Variants in CCDC158 observed in about 807,000 individuals in gnomAD.
The protein encoded by CCDC158 is coiled-coil domain containing 158.
A neutral mutation model predicts 138.6 loss-of-function variants in CCDC158; 116 were observed. That is an observed-to-expected ratio of 0.84 (90% CI 0.72 to 0.98). The LOEUF (loss-of-function observed/expected upper bound fraction) is 0.98, where lower values mean the gene tolerates loss of function less well. CCDC158 is among the 50% of genes least tolerant of loss of function. CCDC158 has a pLI of 0.00. For synonymous variants in CCDC158, 436 were observed against 442.4 expected (o/e 0.99, Z 0.18); for missense variants, 1,265 against 1,306.1 (o/e 0.97, Z 0.48).
chr4:76,414,653 C>T (rs1729552688), intron 1 of CCDC158, among the ~76,000 whole-genome samples: 1 of 152,292 alleles, frequency 6.6e-6, no homozygotes, highest in Non-Finnish European at 1.5e-5. Flanking sequence ...GGAGGCCGGT[C>T]TTTCCCGTGC....
At position 76,333,999 on chromosome 4, in the gene CCDC158, C is replaced by T; in HGVS notation, c.2822+11G>A. On this transcript the variant is annotated intron_variant, in intron 19 of 24. Coordinates refer to ENST00000682701, the MANE Select transcript of CCDC158 (RefSeq NM_001394954.1). ...GATGAGCTTTCCCATTCTGTGTGCA[C>T]ACAGCCTTACACAGCCACATACAAG... is the stretch of plus-strand genomic sequence containing the variant. The T allele has an allele frequency of 6.4e-7, 1 of 1,571,092 alleles. No individual in the cohort carries two copies. The highest frequency in any genetic ancestry group is 8.7e-7 in the Non-Finnish European group (1 of 1,153,264).
intron 9 of CCDC158, among the ~76,000 whole-genome samples, chr4:76,376,601 C>T (rs1182492197): frequency 6.6e-6 from 1 of 152,144 alleles, no homozygotes; most frequent in African/African-American, 2.4e-5. Flanking sequence ...TATAACAATA[C>T]AATTTTTTAT....
At chr4:76,351,695 A>G (rs755117006) in intron 17 of CCDC158, 25 bp downstream of exon 17, 2 of 1,451,956 alleles carry the variant, frequency 1.4e-6, no homozygotes, top group East Asian at 4.5e-5. Context: ...ATTTTCGCTT[A>G]AACTAATATT....
chr4:76,343,383 A>G (rs1560807230), intron 18 of CCDC158, among the ~76,000 whole-genome samples: 1 of 152,244 alleles, frequency 6.6e-6, no homozygotes, highest in Non-Finnish European at 1.5e-5. Flanking sequence ...TCAGTCTTAA[A>G]TATGAATGGA....
At chr4:76,353,029 G>T in intron 16 of CCDC158, 94 bp downstream of exon 16, 1 of 999,872 alleles carries the variant, frequency 1.0e-6, no homozygotes, top group Non-Finnish European at 1.5e-6. Flanking sequence ...GATACATTCA[G>T]TTCCTGTCTA....
At chr4:76,334,850 C>T (rs944336594) in intron 18 of CCDC158, among the ~76,000 whole-genome samples, 3 of 152,208 alleles carry the variant, frequency 2.0e-5, no homozygotes, top group Non-Finnish European at 4.4e-5. Flanking sequence ...TGAAAAGTTA[C>T]ACCTGTCACA....
chr4:76,346,708 C>CA (rs1050221109), intron 18 of CCDC158, among the ~76,000 whole-genome samples: 5 of 151,244 alleles, frequency 3.3e-5, no homozygotes, highest in South Asian at 4.2e-4. Context: ...GACTCCGTCT[C>CA]AAAAAAAAGA....
chr4:76,386,098 G>A (rs190617714), intron 4 of CCDC158, among the ~76,000 whole-genome samples: 3 of 152,310 alleles, frequency 2.0e-5, no homozygotes, highest in African/African-American at 7.2e-5. Flanking sequence ...ACAAAGATGT[G>A]TTTTGACTAA....
At chr4:76,396,183 G>T in intron 4 of CCDC158, 86 bp downstream of exon 4, 1 of 871,826 alleles carries the variant, frequency 1.1e-6, no homozygotes, top group Non-Finnish European at 1.7e-6. Flanking sequence ...CTTCCAGGAA[G>T]TTGTATAACT....
intron 13 of CCDC158, among the ~76,000 whole-genome samples, chr4:76,358,059 G>C (rs1243293210): frequency 6.6e-6 from 1 of 151,904 alleles, no homozygotes; most frequent in South Asian, 2.1e-4. Context: ...ATATAGAAAA[G>C]GATCAAAGCT....
chr4:76,323,483 G>T, intron 23 of CCDC158, 74 bp from the exon 24 acceptor site: 1 of 1,166,124 alleles, frequency 8.6e-7, no homozygotes. Context: ...TGAATTAAAG[G>T]CTAAACAATT....
At chr4:76,327,399 G>A (rs1055702017) in intron 22 of CCDC158, among the ~76,000 whole-genome samples, 4 of 152,108 alleles carry the variant, frequency 2.6e-5, no homozygotes, top group African/African-American at 9.7e-5. Context: ...AGTTAATTTT[G>A]TCATTGTGCA....
chr4:76,325,842 T>G lies in CCDC158; in HGVS notation c.3169+15A>C. 1.3e-6 allele frequency: 2 copies of G among 1,599,694 alleles called. No individual in the cohort carries two copies. The highest frequency in any genetic ancestry group is 1.7e-6 in the Non-Finnish European group (2 of 1,173,812). On this transcript the variant is annotated intron_variant, in intron 23 of 24. Transcript: ENST00000682701. ...AAATCAATTAATCACGTCAATGATA[T>G]CAGATCTTTCTTACCTTTAACAGAA...
rs371973565 is a variant in CCDC158, at chr4:76,332,477, C to T, written c.2837G>A (p.Arg946Lys). ...CAGGCTGGATTCAGTAATGCAATCT[C>T]TTACCCTATCCTCTCTGTATAGAAA... ...ALYVAVEDRV[R>K]DCITESSLRS... The change falls in exon 20 of 25, where the codon AGA (arginine) becomes AAA (lysine). Residue 946 changes from arginine to lysine, a missense_variant. By Grantham distance (26) the Arg-to-Lys change is conservative (BLOSUM62 2). Transcript: ENST00000682701. The T allele has an allele frequency of 6.2e-7, 1 of 1,608,506 alleles. No individual in the cohort carries two copies. Among genetic ancestry groups the T allele is most frequent in the Middle Eastern group, 1.7e-4 (1 of 6,048 alleles).
At chr4:76,410,010 G>C (rs58292399) in intron 2 of CCDC158, among the ~76,000 whole-genome samples, 1 of 151,714 alleles carries the variant, frequency 6.6e-6, no homozygotes, top group Non-Finnish European at 1.5e-5. Context: ...GAGATAAAGC[G>C]TTTAAAAGTA....
At position 76,396,419 on chromosome 4, in the gene CCDC158, C is replaced by G; in HGVS notation, c.138G>C (p.Gly46=). The G allele has an allele frequency of 8.7e-6, 14 of 1,614,016 alleles. No homozygotes were observed. Among genetic ancestry groups the G allele is most frequent in the Non-Finnish European group, 1.2e-5 (14 of 1,179,964 alleles). ...GGAAAAAAGGAACCTGTGTCAAAGTCCCAGCTGAAGATGTGTTTTCAATTA... is the reference window on the plus strand; with the variant it reads ...GGAAAAAAGGAACCTGTGTCAAAGTGCCAGCTGAAGATGTGTTTTCAATTA... ...GTIIENTSSA[G]TLTQVPFFPK... Residue 46 remains glycine, a synonymous_variant, in exon 4 of 25, where the codon GGG becomes GGC. Transcript: ENST00000682701.
At chr4:76,381,775 G>A (rs1372458236) in intron 8 of CCDC158, among the ~76,000 whole-genome samples, 4 of 152,052 alleles carry the variant, frequency 2.6e-5, no homozygotes, top group Non-Finnish European at 4.4e-5. Context: ...TCTGCCTCCC[G>A]GGTTCATGCC....
chr4:76,396,174 T>C (rs1336167025), intron 4 of CCDC158, 95 bp downstream of exon 4: 2 of 783,060 alleles, frequency 2.6e-6, no homozygotes, highest in African/African-American at 3.6e-5. Context: ...TAGTTTTTTC[T>C]TCCAGGAAGT....
Position 76,351,748 on chromosome 4 carries a change from A to G in CCDC158, c.2510T>C (p.Leu837Ser). ...IQRQEQESVR[L>S]KLQHTLDIKE... is the part of the protein sequence containing the mutation. ...TATATCCAAAGTGTGTTGAAGTTTT[A>G]AGCGCACTGATTCTTGCTCCTGACG... Residue 837 changes from leucine (L) to serine (S), a missense_variant, in exon 17 of 25, where the codon TTA (leucine) becomes TCA (serine). Transcript: ENST00000682701. 6.2e-7 allele frequency: 1 copy of G among 1,612,720 alleles called. No homozygotes were observed. The highest frequency in any genetic ancestry group is 8.5e-7 in the Non-Finnish European group (1 of 1,178,862).
Sources: gnomAD v4.1 joint callset for allele counts (sites outside exome capture counted in the v4.1 genomes callset) on GRCh38, gnomAD v4.1.1 for gene constraint, MANE v1.5 for transcripts, NCBI Gene and HGNC (gene_info 2026-07-23, HGNC 2026-07-21) for gene names.